Variants in STARD13 observed in about 807,000 individuals in gnomAD.
STARD13 encodes StAR related lipid transfer domain containing 13, also known as stAR-related lipid transfer protein 13.
A neutral mutation model predicts 106.4 loss-of-function variants in STARD13; 62 were observed. That is an observed-to-expected ratio of 0.58 (90% CI 0.48 to 0.72). STARD13 has a LOEUF of 0.72. STARD13 is among the 30% of genes least tolerant of loss of function. The probability of loss-of-function intolerance (pLI) is 0.00; values close to 1 mark genes in which losing one functional copy is unlikely to be tolerated. For missense variants in STARD13, 1,387 were observed against 1,424.0 expected (o/e 0.97, Z 0.42); for synonymous variants, 565 against 553.0 (o/e 1.02, Z -0.31).
the STARD13 span, among the ~76,000 whole-genome samples, chr13:33,646,291 C>T: frequency 5.2e-3 from 786 of 152,282 alleles, 4 homozygotes; most frequent in Non-Finnish European, 8.7e-3. Context: ...GATCTTAAAA[C>T]GCGACATGGT....
At chr13:33,247,644 C>A (rs987002688) in intron 1 of STARD13, among the ~76,000 whole-genome samples, 3 of 151,998 alleles carry the variant, frequency 2.0e-5, no homozygotes, top group African/African-American at 4.8e-5. Flanking sequence ...TATTACATAT[C>A]TATTGTATTA....
the STARD13 span, among the ~76,000 whole-genome samples, chr13:33,671,646 C>CT: frequency 6.6e-6 from 1 of 152,122 alleles, no homozygotes; most frequent in Admixed American, 6.5e-5. Flanking sequence ...AAGATGATCC[C>CT]TTGAATCTAG....
At chr13:33,482,407 G>A in the STARD13 span, among the ~76,000 whole-genome samples, 159 of 152,124 alleles carry the variant, frequency 1.0e-3, no homozygotes, top group African/African-American at 3.5e-3. Flanking sequence ...ATCCATTCCC[G>A]TTGCCCATCA....
chr13:33,670,839 G>T, the STARD13 span, among the ~76,000 whole-genome samples: 1 of 152,112 alleles, frequency 6.6e-6, no homozygotes, highest in Non-Finnish European at 1.5e-5. Flanking sequence ...TCTTCATCTT[G>T]TCTCCCATGA....
chr13:33,484,184 G>C, the STARD13 span, among the ~76,000 whole-genome samples: 5 of 152,154 alleles, frequency 3.3e-5, no homozygotes, highest in Admixed American at 3.3e-4. Context: ...AGCCAACTTT[G>C]GGAGAAATTT....
the STARD13 span, among the ~76,000 whole-genome samples, chr13:33,411,624 A>G: frequency 2.5e-3 from 378 of 152,252 alleles, 2 homozygotes; most frequent in Admixed American, 4.1e-3. Flanking sequence ...AAGTAGGTTT[A>G]TTTGGAAAGA....
the STARD13 span, among the ~76,000 whole-genome samples, chr13:33,418,359 C>T: frequency 6.6e-6 from 1 of 152,214 alleles, no homozygotes; most frequent in African/African-American, 2.4e-5. Context: ...CTGAGATCAA[C>T]CTGCAAGGCT....
chr13:33,206,116 T>C, intron 1 of STARD13: 1 of 568,738 alleles, frequency 1.8e-6, no homozygotes, highest in Non-Finnish European at 2.2e-6. Context: ...CTGGATTTCC[T>C]ATAAATCCTC....
chr13:33,576,076 T>C, the STARD13 span, among the ~76,000 whole-genome samples: 1 of 152,214 alleles, frequency 6.6e-6, no homozygotes, highest in Admixed American at 6.5e-5. Flanking sequence ...GAGGGAGCTT[T>C]ATAGGGAGCA....
At chr13:33,157,373 G>A (rs545604467) in intron 3 of STARD13, among the ~76,000 whole-genome samples, 11 of 152,240 alleles carry the variant, frequency 7.2e-5, no homozygotes, top group Admixed American at 6.5e-4. Flanking sequence ...CATTAAATTG[G>A]AAATTCAGAG....
At chr13:33,523,562 C>T in the STARD13 span, among the ~76,000 whole-genome samples, 1 of 151,806 alleles carries the variant, frequency 6.6e-6, no homozygotes, top group Admixed American at 6.6e-5. Flanking sequence ...CTGGTCAGGA[C>T]TTATGAAGGC....
chr13:33,122,573 CA>C (rs1194895152), intron 7 of STARD13, among the ~76,000 whole-genome samples: 1 of 152,226 alleles, frequency 6.6e-6, no homozygotes, highest in Non-Finnish European at 1.5e-5. Context: ...TGTTAAAGCT[CA>C]GCCCAGCCAC....
At chr13:33,201,760 G>A (rs918825879) in intron 1 of STARD13, among the ~76,000 whole-genome samples, 15 of 152,094 alleles carry the variant, frequency 9.9e-5, no homozygotes, top group Admixed American at 5.2e-4. Context: ...TAAACAGAAG[G>A]GAGAGTAGTA....
the STARD13 span, among the ~76,000 whole-genome samples, chr13:33,387,335 A>T: frequency 6.6e-6 from 1 of 152,112 alleles, no homozygotes; most frequent in Non-Finnish European, 1.5e-5. Flanking sequence ...ATAGTAGGGA[A>T]TCTCAGGTGA....
At chr13:33,398,943 T>A in the STARD13 span, among the ~76,000 whole-genome samples, 1 of 152,186 alleles carries the variant, frequency 6.6e-6, no homozygotes, top group East Asian at 1.9e-4. Context: ...AAGGCCTTCA[T>A]GTGAACGTTC....
At chr13:33,455,155 C>T in the STARD13 span, among the ~76,000 whole-genome samples, 1 of 152,208 alleles carries the variant, frequency 6.6e-6, no homozygotes, top group African/African-American at 2.4e-5. Flanking sequence ...AAACCACAGA[C>T]TGTGACACAC....
chr13:33,503,523 C>T, the STARD13 span, among the ~76,000 whole-genome samples: 1 of 152,194 alleles, frequency 6.6e-6, no homozygotes, highest in African/African-American at 2.4e-5. Context: ...GCATTTAGTG[C>T]TATAAATTTC....
the STARD13 span, among the ~76,000 whole-genome samples, chr13:33,467,532 G>A: frequency 6.6e-6 from 1 of 152,110 alleles, no homozygotes; most frequent in Admixed American, 6.5e-5. Flanking sequence ...AGGGGTTGGG[G>A]ACCTCTGGTC....
At chr13:33,626,048 C>T in the STARD13 span, among the ~76,000 whole-genome samples, 2 of 152,140 alleles carry the variant, frequency 1.3e-5, no homozygotes, top group African/African-American at 4.8e-5. Flanking sequence ...GCCTTTTATT[C>T]TGCCTCTCAT....
Sources: gnomAD v4.1 joint callset for allele counts (sites outside exome capture counted in the v4.1 genomes callset) on GRCh38, gnomAD v4.1.1 for gene constraint, MANE v1.5 for transcripts, NCBI Gene and HGNC (gene_info 2026-07-23, HGNC 2026-07-21) for gene names.